ERBB4: variants seen among roughly 807,000 people sequenced by gnomAD.
The protein encoded by ERBB4 is receptor tyrosine-protein kinase erbB-4.
In ERBB4, 42 loss-of-function variants were observed where a neutral mutation model predicts 158.0. The observed-to-expected ratio is 0.27, with a 90% CI of 0.21 to 0.34. ERBB4 has a LOEUF of 0.34. Ranked by LOEUF, ERBB4 falls within the 10% of genes least tolerant of loss-of-function variation. The probability of loss-of-function intolerance (pLI) is 1.00; values close to 1 mark genes in which losing one functional copy is unlikely to be tolerated. For missense variants in ERBB4, 1,333 were observed against 1,624.1 expected, an observed-to-expected ratio of 0.82 and a Z score of 3.08; for synonymous variants, 583 against 558.7, an observed-to-expected ratio of 1.04 and a Z score of -0.61.
intron 1 of ERBB4, among the ~76,000 whole-genome samples, chr2:212,483,514 G>A (rs184032870): frequency 6.6e-6 from 1 of 152,144 alleles, no homozygotes; most frequent in African/African-American, 2.4e-5. Context: ...CCTAGTAAAT[G>A]AAGTTCTTAA....
At chr2:211,916,188 T>C (rs943360115) in intron 3 of ERBB4, among the ~76,000 whole-genome samples, 1 of 151,954 alleles carries the variant, frequency 6.6e-6, no homozygotes, top group Non-Finnish European at 1.5e-5. Context: ...TTATTTTGTT[T>C]ATTTATTTTG....
chr2:211,552,131 A>T (rs1461906836), intron 20 of ERBB4, among the ~76,000 whole-genome samples: 1 of 152,168 alleles, frequency 6.6e-6, no homozygotes, highest in Non-Finnish European at 1.5e-5. Context: ...TCCCTGGGCC[A>T]CAAAAATAAT....
intron 3 of ERBB4, among the ~76,000 whole-genome samples, chr2:211,803,211 A>T (rs543620430): frequency 1.2e-4 from 19 of 152,308 alleles, no homozygotes; most frequent in African/African-American, 4.1e-4. Context: ...TGCTTTTCAG[A>T]ATAGTCAAAG....
intron 15 of ERBB4, among the ~76,000 whole-genome samples, chr2:211,660,328 C>G (rs2071375463): frequency 6.6e-6 from 1 of 152,020 alleles, no homozygotes; most frequent in Admixed American, 6.6e-5. Flanking sequence ...AGATGATGGA[C>G]CAAACTAGGG....
intron 20 of ERBB4, among the ~76,000 whole-genome samples, chr2:211,558,476 GTCC>G (rs2067297406): frequency 6.6e-6 from 1 of 152,128 alleles, no homozygotes; most frequent in Non-Finnish European, 1.5e-5. Flanking sequence ...CATCTGCAAA[GTCC>G]CTTTTAACAT....
intron 1 of ERBB4, among the ~76,000 whole-genome samples, chr2:212,155,950 T>G (rs558763996): frequency 6.6e-6 from 1 of 152,268 alleles, no homozygotes; most frequent in East Asian, 1.9e-4. Context: ...ACAAATGTGT[T>G]TCAATATAAC....
intron 18 of ERBB4, among the ~76,000 whole-genome samples, chr2:211,621,506 C>T (rs2069601579): frequency 6.6e-6 from 1 of 152,098 alleles, no homozygotes; most frequent in Non-Finnish European, 1.5e-5. Context: ...GTAAAACACT[C>T]ATGCACAATA....
At chr2:211,592,620 T>G (rs1032586451) in intron 19 of ERBB4, among the ~76,000 whole-genome samples, 1 of 152,032 alleles carries the variant, frequency 6.6e-6, no homozygotes, top group Admixed American at 6.6e-5. Context: ...TGTAAGCAGT[T>G]AAACTAGATG....
intron 2 of ERBB4, among the ~76,000 whole-genome samples, chr2:212,003,575 A>C (rs959344317): frequency 6.6e-6 from 1 of 152,166 alleles, no homozygotes; most frequent in Non-Finnish European, 1.5e-5. Flanking sequence ...ATCAGAGGCT[A>C]CACCCTTTAC....
At chr2:212,119,051 T>C (rs2079660033) in intron 2 of ERBB4, among the ~76,000 whole-genome samples, 1 of 152,024 alleles carries the variant, frequency 6.6e-6, no homozygotes, top group South Asian at 2.1e-4. Flanking sequence ...AAATTTAAGG[T>C]TTCTAGACTA....
chr2:212,511,957 G>A (rs2106281861), intron 1 of ERBB4, among the ~76,000 whole-genome samples: 1 of 152,206 alleles, frequency 6.6e-6, no homozygotes, highest in African/African-American at 2.4e-5. Context: ...AGCTAAAATG[G>A]GTAGTGCTTC....
rs555761860 is a variant in ERBB4, at chr2:211,698,801, C to T, written c.1489+3166G>A. 1.5e-3 allele frequency among the ~76,000 whole-genome samples: 226 copies of T among 152,198 alleles called. 1 individual carries two copies. The highest frequency in any genetic ancestry group is 5.1e-3 in the African/African-American group (213 of 41,556). The stretch of plus-strand genomic sequence containing the variant: ...ATTTATGCTTAAACATTTTAAGAAA[C>T]TTCAAATGCTTTTATAAACCTACTC... On this transcript the variant is annotated intron_variant, in intron 12 of 27. Transcript: ENST00000342788.
chr2:211,414,462 C>T (rs535703734), intron 25 of ERBB4, among the ~76,000 whole-genome samples: 1 of 137,724 alleles, frequency 7.3e-6, no homozygotes, highest in African/African-American at 2.7e-5. Flanking sequence ...CGTCACTGCA[C>T]TCCAGCCTGG....
At chr2:211,831,023 C>T (rs1293435165) in intron 3 of ERBB4, among the ~76,000 whole-genome samples, 1 of 151,252 alleles carries the variant, frequency 6.6e-6, no homozygotes, top group South Asian at 2.1e-4. Context: ...AAAAAAAAAC[C>T]CAAGTCATAA....
chr2:211,580,544 G>A (rs572406057), intron 19 of ERBB4, among the ~76,000 whole-genome samples: 52 of 151,828 alleles, frequency 3.4e-4, no homozygotes, highest in African/African-American at 1.1e-3. Flanking sequence ...CTTCTACACT[G>A]CTGGTGGGAA....
chr2:211,421,091 C>G (rs16846128), intron 24 of ERBB4, among the ~76,000 whole-genome samples: 40,820 of 151,814 alleles, frequency 0.27, 6,004 homozygotes, highest in South Asian at 0.54. Context: ...TCAAAACTCA[C>G]AGTGCAAGTG....
intron 1 of ERBB4, among the ~76,000 whole-genome samples, chr2:212,526,457 G>C (rs1692451471): frequency 1.3e-5 from 2 of 151,978 alleles, no homozygotes; most frequent in African/African-American, 4.8e-5. Context: ...GGCCACTAAA[G>C]AATTATATCT....
chr2:211,516,496 T>C (rs758813893), intron 20 of ERBB4, among the ~76,000 whole-genome samples: 6 of 151,586 alleles, frequency 4.0e-5, no homozygotes, highest in Admixed American at 3.3e-4. Context: ...ACCATGACTG[T>C]CTAATTTTTA....
intron 1 of ERBB4, among the ~76,000 whole-genome samples, chr2:212,204,648 G>C (rs773568006): frequency 6.7e-6 from 1 of 150,246 alleles, no homozygotes; most frequent in Non-Finnish European, 1.5e-5. Context: ...AGTGAGTTGA[G>C]ATTGTGCCAT....
Sources: allele counts gnomAD v4.1 joint callset (sites outside exome capture counted in the v4.1 genomes callset), GRCh38; gene constraint gnomAD v4.1.1; transcripts MANE v1.5; gene names NCBI Gene and HGNC (gene_info 2026-07-23, HGNC 2026-07-21).